Variants in ARHGAP32 observed in about 807,000 individuals in gnomAD.
The protein encoded by ARHGAP32 is rho GTPase-activating protein 32.
Under a neutral mutation model 186.5 loss-of-function variants are expected in ARHGAP32, and 51 were observed. The observed-to-expected ratio is 0.27, with a 90% CI of 0.22 to 0.35. ARHGAP32 has a LOEUF of 0.35. ARHGAP32 is among the 10% of genes least tolerant of loss of function. ARHGAP32 has a pLI of 1.00. For missense variants in ARHGAP32, 2,186 were observed against 2,623.5 expected (o/e 0.83, Z 3.64); for synonymous variants, 950 against 964.3 (o/e 0.99, Z 0.27).
chr11:129,041,697 T>C (rs1939599139), intron 10 of ARHGAP32, among the ~76,000 whole-genome samples: 2 of 152,182 alleles, frequency 1.3e-5, no homozygotes, highest in South Asian at 2.1e-4. Flanking sequence ...ACCGCAGGCA[T>C]TGCTTTTGGC....
chr11:129,013,374 C>A (rs951051070), intron 11 of ARHGAP32, among the ~76,000 whole-genome samples: 3 of 152,156 alleles, frequency 2.0e-5, no homozygotes, highest in African/African-American at 4.8e-5. Flanking sequence ...TGGATATGGT[C>A]TCTTCTTGCC....
At position 128,974,694 on chromosome 11, in the gene ARHGAP32, A is replaced by T. The variant is rs1415628433; in HGVS notation, c.2503T>A (p.Ser835Thr). Reference sequence around the variant, plus strand: ...GGTTTATCCTTGGAGTATCCTGGTGAATCTAAAAAGGAAGCACCACTCTCC... The same window carrying T: ...GGTTTATCCTTGGAGTATCCTGGTGTATCTAAAAAGGAAGCACCACTCTCC... Reference protein sequence around the residue: ...CLESGASFLDSPGYSKDKPSA... With the variant: ...CLESGASFLDTPGYSKDKPSA... The change falls in exon 21 of 23, where the codon TCA (serine) becomes ACA (threonine). Residue 835 changes from serine to threonine, a missense_variant. Physicochemically the swap from Ser to Thr is moderately conservative, Grantham distance 58 (BLOSUM62 1). Coordinates refer to ENST00000682385, the MANE Select transcript of ARHGAP32 (RefSeq NM_001378024.1). The T allele has an allele frequency of 6.2e-7, 1 of 1,614,082 alleles. No homozygotes were observed. The highest frequency in any genetic ancestry group is 1.1e-5 in the South Asian group (1 of 91,076).
intron 11 of ARHGAP32, among the ~76,000 whole-genome samples, chr11:129,013,592 T>C (rs1295335165): frequency 6.6e-6 from 1 of 152,204 alleles, no homozygotes; most frequent in Non-Finnish European, 1.5e-5. Flanking sequence ...AAATAATCAA[T>C]TATTTATCAA....
At chr11:128,981,992 C>T in intron 15 of ARHGAP32, 56 bp from the exon 16 acceptor site, 1 of 1,096,652 alleles carries the variant, frequency 9.1e-7, no homozygotes, top group South Asian at 1.5e-5. Flanking sequence ...CAGTATAGAA[C>T]ATAAAAGCCT....
chr11:129,185,028 G>A (rs1944130457), intron 1 of ARHGAP32, among the ~76,000 whole-genome samples: 1 of 152,194 alleles, frequency 6.6e-6, no homozygotes, highest in Non-Finnish European at 1.5e-5. Context: ...TTCAACCACT[G>A]TGGAAGTAGG....
rs375568374 is a variant in ARHGAP32 at position 129,265,232 on chromosome 11, G to A, written c.-5+13914C>T. On this transcript the variant is annotated intron_variant, in intron 1 of 6. Coordinates refer to the ARHGAP32 transcript ENST00000525234. ...CGTGCATTCTAGTACCTATCATCAC[G>A]GTAAAGAGCTAAAACTGCAAACACA... is the stretch of plus-strand genomic sequence containing the variant. Among the ~76,000 whole-genome samples, 14 of 152,178 alleles carry A rather than the reference G, an allele frequency of 9.2e-5. No individual in the cohort carries two copies. The South Asian group carries it at 1.0e-3, about 11-fold the overall frequency.
At chr11:129,097,336 A>G (rs1941760126) in intron 5 of ARHGAP32, among the ~76,000 whole-genome samples, 1 of 152,070 alleles carries the variant, frequency 6.6e-6, no homozygotes, top group African/African-American at 2.4e-5. Flanking sequence ...GAAATAAAAA[A>G]CTGTTTCTGA....
chr11:129,279,023 G>A (rs1945573741), intron 1 of ARHGAP32: 1 of 147,490 alleles, frequency 6.8e-6, no homozygotes, highest in Admixed American at 6.7e-5. Context: ...CCGGGAGCAT[G>A]CGATCCGGAA....
intron 12 of ARHGAP32, among the ~76,000 whole-genome samples, chr11:128,991,540 A>C (rs7117848): frequency 6.6e-6 from 1 of 152,156 alleles, no homozygotes; most frequent in African/African-American, 2.4e-5. Flanking sequence ...TGTAAAAAAA[A>C]TCCTAGTTTT....
intron 10 of ARHGAP32, among the ~76,000 whole-genome samples, chr11:129,042,649 G>A (rs1428318026): frequency 1.3e-5 from 2 of 152,176 alleles, no homozygotes; most frequent in Admixed American, 1.3e-4. Context: ...GGTTTGGAAA[G>A]CGATTATAAA....
intron 6 of ARHGAP32, among the ~76,000 whole-genome samples, chr11:129,072,172 T>G (rs1940889455): frequency 6.6e-6 from 1 of 152,134 alleles, no homozygotes; most frequent in Non-Finnish European, 1.5e-5. Flanking sequence ...AAAAAAGAAA[T>G]GTGTTGGTCT....
chr11:129,144,245 ATAAT>A (rs1311074994), intron 2 of ARHGAP32, among the ~76,000 whole-genome samples: 2 of 152,192 alleles, frequency 1.3e-5, no homozygotes, highest in African/African-American at 2.4e-5. Flanking sequence ...AAGGAAAAAA[ATAAT>A]TAGGCTTTTA....
Position 128,967,221 on chromosome 11 carries a change from G to GA in ARHGAP32, c.*1685dup, listed in dbSNP as rs1281067930. 3 of 152,252 alleles carry GA rather than the reference G, an allele frequency of 2.0e-5. No homozygotes were observed. Among genetic ancestry groups the GA allele is most frequent in the Non-Finnish European group, 4.4e-5 (3 of 68,018 alleles). The allele number at this position is 152,252 out of a possible 1,614,324, so 9.4% of individuals were successfully genotyped here. A position where few individuals can be genotyped will look rare whatever the true frequency, so the allele number is the denominator to read the frequency against. On this transcript the variant is annotated 3_prime_UTR_variant, in exon 23 of 23. Coordinates refer to ENST00000682385, the MANE Select transcript of ARHGAP32 (RefSeq NM_001378024.1). Reference sequence around the variant, plus strand: ...TATTTTTTAAAATAAAAACTGGCATGAATCCTAATCTTTATACAATTTCAC... The same window carrying GA: ...TATTTTTTAAAATAAAAACTGGCATGAAATCCTAATCTTTATACAATTTCAC...
rs1239827972 is a variant in ARHGAP32 at position 129,192,165 on chromosome 11, C to T, written c.34G>A (p.Asp12Asn). ...ETESESSTLG[D>N]DSVFWLESEV... ...GACTCCAACCAGAAGACACTGTCAT[C>T]CCCTAAAGTGCTACTCTCACTTTCA... The change falls in exon 1 of 23, where the codon GAT becomes AAT. Residue 12 changes from aspartate (D) to asparagine (N), a missense_variant. Physicochemically the swap from Asp to Asn is conservative, Grantham distance 23 (BLOSUM62 1). This residue lies in a region of ARHGAP32 where 108 missense variants were observed against 116.8 expected (regional missense o/e 0.92). Coordinates refer to ENST00000682385, the MANE Select transcript of ARHGAP32 (RefSeq NM_001378024.1). 3.7e-6 allele frequency: 6 copies of T among 1,613,734 alleles called. No homozygotes were observed. The African/African-American group carries it at 8.0e-5, about 22-fold the overall frequency.
intron 11 of ARHGAP32, among the ~76,000 whole-genome samples, chr11:128,999,163 C>G (rs1000856707): frequency 6.6e-6 from 1 of 152,148 alleles, no homozygotes; most frequent in Non-Finnish European, 1.5e-5. Context: ...TTTTTCTCAG[C>G]AAGGAACAGC....
chr11:129,057,468 T>C (rs1332570026), intron 10 of ARHGAP32, among the ~76,000 whole-genome samples: 1 of 152,094 alleles, frequency 6.6e-6, no homozygotes, highest in African/African-American at 2.4e-5. Context: ...ACATCTATTA[T>C]GGGCTAAAAA....
intron 5 of ARHGAP32, among the ~76,000 whole-genome samples, chr11:129,114,554 T>C (rs1942312817): frequency 6.6e-6 from 1 of 152,146 alleles, no homozygotes; most frequent in Non-Finnish European, 1.5e-5. Context: ...ATACACCCTA[T>C]ACATGTCTGA....
chr11:129,274,994 T>C (rs1321354503), intron 1 of ARHGAP32, among the ~76,000 whole-genome samples: 2 of 151,712 alleles, frequency 1.3e-5, no homozygotes, highest in Non-Finnish European at 2.9e-5. Flanking sequence ...CGGGAAATTA[T>C]CAAGAATCAG....
chr11:129,215,945 G>C (rs192556030), intron 1 of ARHGAP32, among the ~76,000 whole-genome samples: 1 of 152,134 alleles, frequency 6.6e-6, no homozygotes, highest in South Asian at 2.1e-4. Flanking sequence ...CTAAATGCTC[G>C]TTAGAGAGAG....
Sources: gnomAD v4.1 joint callset for allele counts (sites outside exome capture counted in the v4.1 genomes callset) on GRCh38, gnomAD v4.1.1 for gene constraint, gnomAD v4.1.1 regional missense constraint, MANE v1.5 for transcripts, NCBI Gene and HGNC (gene_info 2026-07-23, HGNC 2026-07-21) for gene names.